The following BABAM2 variants were observed in gnomAD, a reference collection of about 807,000 sequenced individuals.
BABAM2 encodes BRISC and BRCA1-A complex member 2.
BABAM2 carries 31 observed loss-of-function variants against 54.7 expected under a neutral mutation model. The observed-to-expected ratio is 0.57, with a 90% CI of 0.43 to 0.77. The LOEUF (loss-of-function observed/expected upper bound fraction) is 0.77, where lower values mean the gene tolerates loss of function less well. Among genes scored for constraint, BABAM2 ranks in the 30% least tolerant of loss-of-function variants. The probability of loss-of-function intolerance (pLI) is 0.00; values close to 1 mark genes in which losing one functional copy is unlikely to be tolerated. For synonymous variants in BABAM2, 167 were observed against 162.9 expected, an observed-to-expected ratio of 1.03 and a Z score of -0.19; for missense variants, 364 against 455.8, an observed-to-expected ratio of 0.80 and a Z score of 1.83.
chr2:28,013,413 A>C (rs769549103), intron 4 of BABAM2: 1 of 455,620 alleles, frequency 2.2e-6, no homozygotes, highest in South Asian at 1.5e-5. Context: ...TGAAAAGTTC[A>C]GACTTAAAAT....
At chr2:28,159,130 T>A (rs189845330) in intron 7 of BABAM2, among the ~76,000 whole-genome samples, 2 of 152,346 alleles carry the variant, frequency 1.3e-5, no homozygotes, top group Admixed American at 1.3e-4. Flanking sequence ...AAAGAACTAG[T>A]GTAATATGTC....
intron 3 of BABAM2, among the ~76,000 whole-genome samples, chr2:27,931,437 G>C (rs766229877): frequency 3.3e-5 from 5 of 151,948 alleles, no homozygotes; most frequent in Non-Finnish European, 5.9e-5. Context: ...TTTTGCCTCC[G>C]TTTCTTGCCT....
chr2:28,169,640 A>G (rs981739307), intron 7 of BABAM2, among the ~76,000 whole-genome samples: 1 of 151,990 alleles, frequency 6.6e-6, no homozygotes, highest in Non-Finnish European at 1.5e-5. Context: ...AACAATAGCT[A>G]GGCGTAGTAG....
intron 6 of BABAM2, among the ~76,000 whole-genome samples, chr2:28,051,779 G>A (rs1678017952): frequency 6.6e-6 from 1 of 151,970 alleles, no homozygotes; most frequent in Non-Finnish European, 1.5e-5. Flanking sequence ...CTTCCGACTA[G>A]CTGGGATTAC....
chr2:28,118,179 C>A (rs1461196030), intron 6 of BABAM2, among the ~76,000 whole-genome samples: 1 of 152,122 alleles, frequency 6.6e-6, no homozygotes, highest in Non-Finnish European at 1.5e-5. Flanking sequence ...TGCAGTAAAC[C>A]TATGTATGCA....
chr2:28,114,440 C>T (rs1668416605), intron 6 of BABAM2, among the ~76,000 whole-genome samples: 2 of 152,156 alleles, frequency 1.3e-5, no homozygotes, highest in Admixed American at 6.5e-5. Context: ...TTCATCCTTT[C>T]CTCATAGGGC....
intron 6 of BABAM2, among the ~76,000 whole-genome samples, chr2:28,111,229 C>T (rs1047596064): frequency 2.8e-4 from 42 of 151,712 alleles, no homozygotes; most frequent in African/African-American, 9.9e-4. Flanking sequence ...AATCCACCCA[C>T]CTTGGCCTCC....
chr2:28,273,443 G>A (rs1685606329), intron 10 of BABAM2, among the ~76,000 whole-genome samples: 1 of 152,240 alleles, frequency 6.6e-6, no homozygotes, highest in Non-Finnish European at 1.5e-5. Flanking sequence ...TTCAGGCCAG[G>A]CCCAGTGGCT....
chr2:28,011,829 G>GA (rs58258810), intron 4 of BABAM2, among the ~76,000 whole-genome samples: 111,925 of 151,442 alleles, frequency 0.74, 42,362 homozygotes, highest in Middle Eastern at 0.89. Context: ...ACTGAGACAG[G>GA]AAAATGTTAC....
intron 5 of BABAM2, among the ~76,000 whole-genome samples, chr2:28,033,624 A>C (rs72812576): frequency 0.046 from 6,959 of 152,230 alleles, 201 homozygotes; most frequent in South Asian, 0.1. Flanking sequence ...CCACCTCTTA[A>C]TACTGCCACA....
intron 7 of BABAM2, among the ~76,000 whole-genome samples, chr2:28,172,201 A>T (rs1166642635): frequency 2.0e-5 from 3 of 152,036 alleles, no homozygotes; most frequent in Admixed American, 1.3e-4. Flanking sequence ...AGATGTGTGC[A>T]TTCATTTAGG....
chr2:28,016,296 C>T (rs1674808765), intron 4 of BABAM2: 1 of 988,576 alleles, frequency 1.0e-6, no homozygotes, highest in African/African-American at 1.6e-5. Context: ...TTCATTTTTT[C>T]TTCACATTCA....
chr2:27,990,554 A>G (rs1361923978), intron 4 of BABAM2, among the ~76,000 whole-genome samples: 1 of 152,116 alleles, frequency 6.6e-6, no homozygotes, highest in Non-Finnish European at 1.5e-5. Flanking sequence ...TTCCTGAAGT[A>G]TGCCTTGCAG....
At chr2:27,997,488 G>C (rs906190338) in intron 4 of BABAM2, among the ~76,000 whole-genome samples, 2 of 152,220 alleles carry the variant, frequency 1.3e-5, no homozygotes, top group East Asian at 1.9e-4. Flanking sequence ...AAGAACCCTG[G>C]TTCAAAATTA....
chr2:27,900,382 T>TA (rs1377242500), intron 2 of BABAM2, among the ~76,000 whole-genome samples: 1 of 151,832 alleles, frequency 6.6e-6, no homozygotes, highest in African/African-American at 2.4e-5. Context: ...TTTTTTTTTT[T>TA]AAATAGCAAT....
chr2:27,991,665 T>C (rs2148493181), intron 4 of BABAM2, among the ~76,000 whole-genome samples: 1 of 152,360 alleles, frequency 6.6e-6, no homozygotes, highest in Non-Finnish European at 1.5e-5. Context: ...TGTTGTCCTT[T>C]GTTACTGATC....
chr2:28,168,460 C>T (rs534293933), intron 7 of BABAM2, among the ~76,000 whole-genome samples: 101 of 152,190 alleles, frequency 6.6e-4, no homozygotes, highest in Non-Finnish European at 8.7e-4. Context: ...GGAGCTTGCC[C>T]GATCTGCTTT....
chr2:27,971,841 G>A (rs906097137), intron 3 of BABAM2, among the ~76,000 whole-genome samples: 1 of 151,956 alleles, frequency 6.6e-6, no homozygotes. Flanking sequence ...AGTGTCACTT[G>A]CATTGTAGTT....
chr2:28,315,421 T>TTTTCTTTTCTTTTCTTTTCTTTTC (rs751782457), intron 11 of BABAM2, among the ~76,000 whole-genome samples: 1 of 110,180 alleles, frequency 9.1e-6, no homozygotes, highest in African/African-American at 3.7e-5. Context: ...GTGTGGTTCT[T>TTTTCTTTTCTTTTCTTTTCTTTTC]TTTTCTTTTC....
Sources: allele counts gnomAD v4.1 joint callset (sites outside exome capture counted in the v4.1 genomes callset), GRCh38; gene constraint gnomAD v4.1.1; transcripts MANE v1.5; gene names NCBI Gene and HGNC (gene_info 2026-07-23, HGNC 2026-07-21).